PRKN: variants seen among roughly 807,000 people sequenced by gnomAD.
PRKN encodes parkin RBR E3 ubiquitin protein ligase, also known as E3 ubiquitin-protein ligase parkin.
Under a neutral mutation model 59.5 loss-of-function variants are expected in PRKN, and 56 were observed. That is an observed-to-expected ratio of 0.94 (90% CI 0.76 to 1.18). PRKN has a LOEUF of 1.18. Ranked by LOEUF, PRKN falls within the 50% of genes most tolerant of loss-of-function variation. The probability of loss-of-function intolerance (pLI) is 0.00; values close to 1 mark genes in which losing one functional copy is unlikely to be tolerated. For missense variants in PRKN, 657 were observed against 596.4 expected, an observed-to-expected ratio of 1.10 and a Z score of -1.06; for synonymous variants, 250 against 222.1, an observed-to-expected ratio of 1.13 and a Z score of -1.12.
At chr6:161,762,188 C>T (rs1449146961) in intron 7 of PRKN, among the ~76,000 whole-genome samples, 1 of 152,086 alleles carries the variant, frequency 6.6e-6, no homozygotes, top group Admixed American at 6.6e-5. Context: ...AAATACGAAG[C>T]CACAGTAGGC....
intron 6 of PRKN, among the ~76,000 whole-genome samples, chr6:161,938,563 T>G (rs1360158562): frequency 6.6e-6 from 1 of 152,210 alleles, no homozygotes; most frequent in Non-Finnish European, 1.5e-5. Context: ...CAATATTTTT[T>G]GTGATTATTA....
At chr6:161,754,234 C>T (rs2128195743) in intron 7 of PRKN, among the ~76,000 whole-genome samples, 1 of 152,070 alleles carries the variant, frequency 6.6e-6, no homozygotes, top group South Asian at 2.1e-4. Context: ...ACCTGAAGCT[C>T]ACAGCAGGCC....
intron 2 of PRKN, among the ~76,000 whole-genome samples, chr6:162,412,168 C>T (rs1052822974): frequency 7.2e-5 from 11 of 152,096 alleles, no homozygotes; most frequent in African/African-American, 2.7e-4. Context: ...TACAGTTGTT[C>T]ACATTACTGC....
intron 5 of PRKN, among the ~76,000 whole-genome samples, chr6:162,025,000 C>T (rs1033491218): frequency 6.7e-6 from 1 of 150,194 alleles, no homozygotes; most frequent in Non-Finnish European, 1.5e-5. Context: ...ATGTTGTGTT[C>T]ATGTCCAGAT....
chr6:162,577,271 T>C (rs181764304), intron 1 of PRKN, among the ~76,000 whole-genome samples: 5 of 151,794 alleles, frequency 3.3e-5, no homozygotes, highest in Admixed American at 6.6e-5. Flanking sequence ...TCAAATCACA[T>C]GGAAAAGAAT....
At chr6:161,902,546 CTATT>C (rs139514314) in intron 6 of PRKN, among the ~76,000 whole-genome samples, 24,754 of 99,792 alleles carry the variant, frequency 0.25, 2,717 homozygotes, top group South Asian at 0.32. Context: ...ATCTATCTAT[CTATT>C]TATTTATTTA....
intron 6 of PRKN, among the ~76,000 whole-genome samples, chr6:161,798,384 G>A (rs183680944): frequency 2.8e-3 from 431 of 152,286 alleles, no homozygotes; most frequent in Admixed American, 6.7e-3. Context: ...AGCATTAGCT[G>A]GCCTCAGAAT....
chr6:161,837,199 C>T (rs1431815755), intron 6 of PRKN, among the ~76,000 whole-genome samples: 1 of 152,138 alleles, frequency 6.6e-6, no homozygotes, highest in Non-Finnish European at 1.5e-5. Context: ...AAGCATCCTT[C>T]AGCTTTCCCG....
chr6:161,401,444 C>T lies in PRKN; in HGVS notation c.1084-14567G>A, dbSNP rs1306147069. Among the ~76,000 whole-genome samples, 1 of 152,096 alleles carries T rather than the reference C, an allele frequency of 6.6e-6. No individual in the cohort carries two copies. Among genetic ancestry groups the T allele is most frequent in the Non-Finnish European group, 1.5e-5 (1 of 68,034 alleles). ...TGGCCAACATGGTGAAACCGCATCT[C>T]TACTAAAAATACAAAAACGTTAGCT... On this transcript the variant is annotated intron_variant, in intron 9 of 11. Coordinates refer to ENST00000366898, the MANE Select transcript of PRKN (RefSeq NM_004562.3). The surrounding 1 kb of genome is among the most constrained non-coding windows in gnomAD (Gnocchi z 4.4).
intron 7 of PRKN, among the ~76,000 whole-genome samples, chr6:161,620,353 A>T (rs1440162840): frequency 6.6e-6 from 1 of 152,022 alleles, no homozygotes; most frequent in Non-Finnish European, 1.5e-5. Flanking sequence ...CTTGACTCCC[A>T]CGCTGTACAG....
chr6:162,025,085 G>A (rs1197330118), intron 5 of PRKN, among the ~76,000 whole-genome samples: 10 of 145,854 alleles, frequency 6.9e-5, no homozygotes, highest in South Asian at 4.3e-4. Context: ...GCGCAATCTC[G>A]GCTCACTGCA....
chr6:161,998,036 C>T (rs1583458686), intron 5 of PRKN, among the ~76,000 whole-genome samples: 1 of 152,146 alleles, frequency 6.6e-6, no homozygotes, highest in African/African-American at 2.4e-5. Context: ...TAAAGAACCA[C>T]ATATACTGCA....
At chr6:161,955,162 T>C (rs1790010) in intron 6 of PRKN, among the ~76,000 whole-genome samples, 35,577 of 151,970 alleles carry the variant, frequency 0.23, 5,070 homozygotes, top group East Asian at 0.32. Flanking sequence ...TCAGCATCAT[T>C]GAAAGTTGGG....
intron 1 of PRKN, among the ~76,000 whole-genome samples, chr6:162,467,045 G>A (rs1791451506): frequency 1.3e-5 from 2 of 152,034 alleles, no homozygotes; most frequent in African/African-American, 2.4e-5. Context: ...TGATTCCCTG[G>A]ATTCTATTAT....
At chr6:162,005,959 A>G (rs563504729) in intron 5 of PRKN, among the ~76,000 whole-genome samples, 1 of 152,232 alleles carries the variant, frequency 6.6e-6, no homozygotes, top group East Asian at 1.9e-4. Flanking sequence ...ATATATATAT[A>G]TATCTACTCA....
intron 1 of PRKN, among the ~76,000 whole-genome samples, chr6:162,526,548 G>A (rs1230641366): frequency 6.6e-6 from 1 of 151,744 alleles, no homozygotes; most frequent in Non-Finnish European, 1.5e-5. Context: ...TACTCAGGAG[G>A]CTGAGGCAGG....
chr6:161,838,682 T>C (rs1792859397), intron 6 of PRKN, among the ~76,000 whole-genome samples: 1 of 152,210 alleles, frequency 6.6e-6, no homozygotes, highest in African/African-American at 2.4e-5. Context: ...TTGCAGGAAC[T>C]GTCCCCGTCC....
chr6:162,493,775 T>A (rs1207280309), intron 1 of PRKN, among the ~76,000 whole-genome samples: 1 of 152,170 alleles, frequency 6.6e-6, no homozygotes, highest in East Asian at 1.9e-4. Context: ...GCCTAGATTA[T>A]CCACTGATAA....
chr6:162,034,437 T>C (rs1293908281), intron 5 of PRKN, among the ~76,000 whole-genome samples: 1 of 152,152 alleles, frequency 6.6e-6, no homozygotes, highest in Non-Finnish European at 1.5e-5. Flanking sequence ...GCTGTCTTCA[T>C]AAATTGATCC....
Sources: allele counts gnomAD v4.1 joint callset (sites outside exome capture counted in the v4.1 genomes callset), GRCh38; gene constraint gnomAD v4.1.1; non-coding constraint Gnocchi (gnomAD v3.1); transcripts MANE v1.5; gene names NCBI Gene and HGNC (gene_info 2026-07-23, HGNC 2026-07-21).